NRXN1: variants seen among roughly 807,000 people sequenced by gnomAD.
NRXN1 encodes neurexin 1.
NRXN1 carries 39 observed loss-of-function variants against 150.9 expected under a neutral mutation model. That is an observed-to-expected ratio of 0.26 (90% CI 0.20 to 0.34). The LOEUF (loss-of-function observed/expected upper bound fraction) is 0.34, where lower values mean the gene tolerates loss of function less well. NRXN1 is among the 10% of genes least tolerant of loss of function. The pLI, the probability that NRXN1 is intolerant of heterozygous loss-of-function variation, is 1.00. For missense variants in NRXN1, 1,815 were observed against 1,949.9 expected, an observed-to-expected ratio of 0.93 and a Z score of 1.30; for synonymous variants, 924 against 757.0, an observed-to-expected ratio of 1.22 and a Z score of -3.62.
chr2:50,079,045 T>C (rs967418140), intron 19 of NRXN1, among the ~76,000 whole-genome samples: 1 of 152,098 alleles, frequency 6.6e-6, no homozygotes, highest in Non-Finnish European at 1.5e-5. Context: ...AATTTTTCTG[T>C]ATGGGTGAGC....
intron 13 of NRXN1, among the ~76,000 whole-genome samples, chr2:50,503,338 A>T (rs2092051454): frequency 6.6e-6 from 1 of 151,800 alleles, no homozygotes; most frequent in African/African-American, 2.4e-5. Context: ...AAAGAAAGAA[A>T]AAAATAAGAA....
At chr2:50,362,706 C>A (rs79675116) in intron 17 of NRXN1, among the ~76,000 whole-genome samples, 1 of 152,178 alleles carries the variant, frequency 6.6e-6, no homozygotes, top group Non-Finnish European at 1.5e-5. Context: ...TCCCATCAAG[C>A]TACCATTGAC....
intron 19 of NRXN1, among the ~76,000 whole-genome samples, chr2:50,084,874 A>G (rs1698564301): frequency 6.6e-6 from 1 of 152,260 alleles, no homozygotes; most frequent in South Asian, 2.1e-4. Flanking sequence ...CTCCTTGGAC[A>G]CAATTTCTCA....
chr2:50,759,447 T>C (rs1163014512), intron 5 of NRXN1, among the ~76,000 whole-genome samples: 21 of 151,904 alleles, frequency 1.4e-4, no homozygotes, highest in Non-Finnish European at 2.9e-5. Flanking sequence ...CGGGCACTAA[T>C]TCTGCTACCA....
chr2:50,072,925 T>C (rs1573747970), intron 19 of NRXN1, among the ~76,000 whole-genome samples: 1 of 152,164 alleles, frequency 6.6e-6, no homozygotes, highest in Non-Finnish European at 1.5e-5. Flanking sequence ...AAATTAGACA[T>C]AGCTTCATCA....
intron 17 of NRXN1, among the ~76,000 whole-genome samples, chr2:50,299,425 TA>T (rs372568460): frequency 0.15 from 16,343 of 108,450 alleles, 980 homozygotes; most frequent in Middle Eastern, 0.22. Flanking sequence ...TTTTTTTTTT[TA>T]AAACTGACTT....
intron 5 of NRXN1, among the ~76,000 whole-genome samples, chr2:50,697,298 T>G (rs1165542780): frequency 6.6e-6 from 1 of 152,146 alleles, no homozygotes; most frequent in Non-Finnish European, 1.5e-5. Context: ...GCTGATAAGG[T>G]AAGTTAGGAC....
chr2:50,328,047 T>C (rs1266326268), intron 17 of NRXN1, among the ~76,000 whole-genome samples: 3 of 152,130 alleles, frequency 2.0e-5, no homozygotes, highest in African/African-American at 7.2e-5. Context: ...CTTGTTGAAA[T>C]GAAGCAGTTA....
At chr2:50,366,735 A>T (rs1004716930) in intron 17 of NRXN1, among the ~76,000 whole-genome samples, 5 of 151,998 alleles carry the variant, frequency 3.3e-5, no homozygotes, top group Admixed American at 3.3e-4. Flanking sequence ...CTCTCAATGC[A>T]GAGTGAATGC....
intron 17 of NRXN1, among the ~76,000 whole-genome samples, chr2:50,423,580 T>G (rs2104284978): frequency 6.6e-6 from 1 of 152,228 alleles, no homozygotes; most frequent in South Asian, 2.1e-4. Context: ...GATATTAATT[T>G]TTTTCATAAT....
intron 21 of NRXN1, among the ~76,000 whole-genome samples, chr2:49,993,324 G>A (rs1682343785): frequency 6.6e-6 from 1 of 152,114 alleles, no homozygotes; most frequent in African/African-American, 2.4e-5. Flanking sequence ...GCAATAATAT[G>A]GTATAATTCC....
At chr2:50,413,189 C>A (rs757282847) in intron 17 of NRXN1, among the ~76,000 whole-genome samples, 1 of 152,136 alleles carries the variant, frequency 6.6e-6, no homozygotes, top group Non-Finnish European at 1.5e-5. Flanking sequence ...CTCTATCTAA[C>A]AAGGAATTCA....
intron 13 of NRXN1, 105 bp from the exon 14 acceptor site, chr2:50,497,819 C>A (rs1260327238): frequency 4.0e-6 from 4 of 996,082 alleles, no homozygotes; most frequent in Non-Finnish European, 5.9e-6. Context: ...AGCCAAATCC[C>A]TCCTTGGTAC....
chr2:50,219,943 T>TATAA (rs61541788), intron 18 of NRXN1, among the ~76,000 whole-genome samples: 1 of 75,500 alleles, frequency 1.3e-5, no homozygotes, highest in East Asian at 2.9e-4. Flanking sequence ...ATATTATATA[T>TATAA]TATATATATA....
chr2:50,945,897 TATACAC>T (rs1286620300), intron 2 of NRXN1, among the ~76,000 whole-genome samples: 56 of 143,910 alleles, frequency 3.9e-4, no homozygotes, highest in African/African-American at 1.1e-3. Context: ...TATATATATA[TATACAC>T]ACACACACAC....
Position 50,506,536 on chromosome 2 carries a change from T to C in NRXN1, c.2456A>G (p.Lys819Arg), listed in dbSNP as rs1187840261. The C allele has an allele frequency of 6.2e-7, 1 of 1,613,078 alleles. No individual in the cohort carries two copies. Among genetic ancestry groups the C allele is most frequent in the East Asian group, 2.2e-5 (1 of 44,816 alleles). ...GTCATCCACTGTTAACTTTAAACTTTTTCCACGCCGAACTACACGCACTGT... is the reference window on the plus strand; with the variant it reads ...GTCATCCACTGTTAACTTTAAACTTCTTCCACGCCGAACTACACGCACTGT... ...WHTVRVVRRG[K>R]SLKLTVDDQQ... Residue 819 changes from lysine (K) to arginine (R), a missense_variant, in exon 13 of 23, where the codon AAA becomes AGA. Physicochemically the swap from Lys to Arg is conservative, Grantham distance 26. Transcript: ENST00000401669.
In NRXN1 at chr2:51,027,597, C is replaced by G. The variant is rs745414685; in HGVS notation, c.677G>C (p.Gly226Ala). ...GCACACACCTCCGTTGAGGCACACC[C>G]CGCCCTCGCCCTCCTCGCCCGCCTC... ...PCEAGEEGEG[G>A]VCLNGGVCSV... Residue 226 changes from glycine to alanine, a missense_variant, in exon 2 of 23, where the codon GGG (glycine) becomes GCG (alanine). Coordinates refer to ENST00000401669, the MANE Select transcript of NRXN1 (RefSeq NM_001330078.2). 4 of 1,602,918 alleles carry G rather than the reference C, an allele frequency of 2.5e-6. 1 individual carries two copies. The South Asian group carries it at 4.5e-5, about 18-fold the overall frequency.
intron 17 of NRXN1, among the ~76,000 whole-genome samples, chr2:50,449,492 A>G (rs1265482803): frequency 6.6e-6 from 1 of 152,176 alleles, no homozygotes; most frequent in African/African-American, 2.4e-5. Flanking sequence ...GTGCATATGA[A>G]TCATCTGGGA....
chr2:50,450,218 C>A (rs772595736), intron 17 of NRXN1, among the ~76,000 whole-genome samples: 42 of 152,152 alleles, frequency 2.8e-4, no homozygotes, highest in Non-Finnish European at 5.0e-4. Context: ...CAATTAAGGT[C>A]CATCTCACTT....
Sources: gnomAD v4.1 joint callset for allele counts (sites outside exome capture counted in the v4.1 genomes callset) on GRCh38, gnomAD v4.1.1 for gene constraint, MANE v1.5 for transcripts, NCBI Gene and HGNC (gene_info 2026-07-23, HGNC 2026-07-21) for gene names.